The following ITGB3 variants were observed in gnomAD, a reference collection of about 807,000 sequenced individuals.
The protein encoded by ITGB3 is integrin subunit beta 3, also known as integrin beta-3.
ITGB3 carries 48 observed loss-of-function variants against 85.8 expected under a neutral mutation model. The ratio of observed to expected loss-of-function variants is 0.56; its 90% CI spans 0.44 to 0.71. ITGB3 has a LOEUF of 0.71. Among genes scored for constraint, ITGB3 ranks in the 30% least tolerant of loss-of-function variants. ITGB3 has a pLI of 0.00. For missense variants in ITGB3, 861 were observed against 1,019.1 expected (o/e 0.84, Z 2.11); for synonymous variants, 363 against 395.6 (o/e 0.92, Z 0.98).
intron 1 of ITGB3, among the ~76,000 whole-genome samples, chr17:47,263,689 C>T (rs557332531): frequency 1.9e-4 from 29 of 152,284 alleles, no homozygotes; most frequent in African/African-American, 6.3e-4. Flanking sequence ...TGGATTTCGC[C>T]ATGTTGGCCA....
chr17:47,273,565 C>G (rs1193179248), intron 1 of ITGB3, among the ~76,000 whole-genome samples: 1 of 152,244 alleles, frequency 6.6e-6, no homozygotes, highest in Admixed American at 6.5e-5. Context: ...AGCCTTTGCT[C>G]TGTCCTTTGA....
intron 2 of ITGB3, chr17:47,280,165 G>A (rs1368650148): frequency 6.6e-6 from 1 of 152,300 alleles, no homozygotes; most frequent in African/African-American, 2.4e-5. Flanking sequence ...GAAGATGAGA[G>A]AGAAAGAGAG....
intron 6 of ITGB3, among the ~76,000 whole-genome samples, chr17:47,287,720 G>A (rs1345955198): frequency 6.6e-6 from 1 of 152,066 alleles, no homozygotes; most frequent in Non-Finnish European, 1.5e-5. Context: ...ACCAGCTTGG[G>A]AAATATAGTG....
intron 1 of ITGB3, among the ~76,000 whole-genome samples, chr17:47,254,504 C>G (rs1395992484): frequency 4.6e-5 from 7 of 152,050 alleles, no homozygotes; most frequent in African/African-American, 1.7e-4. Context: ...TTACCTTCAA[C>G]TTGGCTTCCT....
intron 7 of ITGB3, 43 bp from the exon 8 acceptor site, chr17:47,290,142 G>A (rs766657121): frequency 1.3e-6 from 2 of 1,508,766 alleles, no homozygotes; most frequent in South Asian, 1.1e-5. Context: ...GAGACCACCA[G>A]CTTCCTTTGG....
At chr17:47,288,772 A>G (rs1021918976) in intron 6 of ITGB3, among the ~76,000 whole-genome samples, 1 of 152,252 alleles carries the variant, frequency 6.6e-6, no homozygotes, top group African/African-American at 2.4e-5. Context: ...GGAGGTAACA[A>G]GACTATGTAT....
intron 2 of ITGB3, chr17:47,279,735 C>T (rs2143081246): frequency 6.6e-6 from 1 of 152,404 alleles, no homozygotes; most frequent in Admixed American, 6.5e-5. Context: ...GTTTGCTGGG[C>T]TCCGGTCCCT....
At position 47,299,607 on chromosome 17, in the gene ITGB3, AG is replaced by A. The variant is rs2065158672; in HGVS notation, c.1913+79del. ...CCCTGACTAGAATCCCCAGCTCTCCAGGTGTGTTTCTTGCTCACCAGAGCCT... is the reference window on the plus strand; with the variant it reads ...CCCTGACTAGAATCCCCAGCTCTCCAGTGTGTTTCTTGCTCACCAGAGCCT... On this transcript the variant is annotated intron_variant, in intron 11 of 14. Transcript: ENST00000559488. This position sits in a 1 kb window ranked among gnomAD's most constrained non-coding sequence, Gnocchi z 5.1. 1.5e-6 allele frequency: 2 copies of A among 1,346,456 alleles called. No individual in the cohort carries two copies. Among genetic ancestry groups the A allele is most frequent in the Admixed American group, 3.8e-5 (2 of 52,670 alleles). The allele number at this position is 1,346,456 out of a possible 1,614,324, so 83.4% of individuals were successfully genotyped here. A position where few individuals can be genotyped will look rare whatever the true frequency, so the allele number is the denominator to read the frequency against.
intron 7 of ITGB3, 127 bp downstream of exon 7, chr17:47,289,903 G>T (rs2065118690): frequency 2.6e-6 from 2 of 758,246 alleles, no homozygotes; most frequent in Non-Finnish European, 2.4e-6. Flanking sequence ...CTCCCCAGGA[G>T]CTAAAGATTG....
intron 13 of ITGB3, among the ~76,000 whole-genome samples, chr17:47,305,353 T>G (rs546813579): frequency 3.7e-4 from 57 of 152,278 alleles, no homozygotes; most frequent in Middle Eastern, 3.4e-3. Context: ...TGGTGGTGGT[T>G]GTTTTTGTGG....
chr17:47,285,965 G>A (rs1272997755), intron 4 of ITGB3, among the ~76,000 whole-genome samples: 1 of 152,164 alleles, frequency 6.6e-6, no homozygotes, highest in Non-Finnish European at 1.5e-5. Flanking sequence ...AGGTTGGATT[G>A]AGAGGCTTGC....
chr17:47,279,700 A>G (rs1430473238), intron 2 of ITGB3: 1 of 152,222 alleles, frequency 6.6e-6, no homozygotes, highest in Admixed American at 6.5e-5. Context: ...CTGAAGATGC[A>G]TGAAGGCCTT....
intron 12 of ITGB3, among the ~76,000 whole-genome samples, chr17:47,300,925 G>A (rs1290369978): frequency 6.6e-6 from 1 of 152,218 alleles, no homozygotes; most frequent in African/African-American, 2.4e-5. Flanking sequence ...GGAAGTGGTT[G>A]CCTGTGATAG....
In ITGB3 at chr17:47,290,207, G is replaced by C. The variant is rs1421979003; in HGVS notation, c.1058G>C (p.Gly353Ala). 6.2e-7 allele frequency: 1 copy of C among 1,613,974 alleles called. No homozygotes were observed. The highest frequency in any genetic ancestry group is 1.1e-5 in the South Asian group (1 of 91,058). Residue 353 changes from glycine (G) to alanine (A), a missense_variant, in exon 8 of 15, where the codon GGG becomes GCG. Physicochemically the swap from Gly to Ala is moderately conservative, Grantham distance 60 (BLOSUM62 0). Coordinates refer to ENST00000559488, the MANE Select transcript of ITGB3 (RefSeq NM_000212.3). ...LYQNYSELIPGTTVGVLSMDS... is the reference protein window; with the variant it reads ...LYQNYSELIPATTVGVLSMDS... ...TAGAACTATAGTGAGCTCATCCCAG[G>C]GACCACAGTTGGGGTTCTGTCCATG... is the stretch of plus-strand genomic sequence containing the variant.
intron 1 of ITGB3, among the ~76,000 whole-genome samples, chr17:47,271,828 C>T (rs1248795326): frequency 6.6e-6 from 1 of 152,114 alleles, no homozygotes; most frequent in Non-Finnish European, 1.5e-5. Context: ...TCACTGTAAC[C>T]TCTGCCTCCT....
intron 10 of ITGB3, among the ~76,000 whole-genome samples, chr17:47,296,812 T>C (rs2065147634): frequency 1.3e-5 from 2 of 152,198 alleles, no homozygotes; most frequent in African/African-American, 4.8e-5. Context: ...AATCACATTT[T>C]ACAAAGAGAA....
At chr17:47,274,245 CCTT>C (rs939969514) in intron 1 of ITGB3, among the ~76,000 whole-genome samples, 171 bp from the exon 2 acceptor site, 31 of 152,298 alleles carry the variant, frequency 2.0e-4, no homozygotes, top group African/African-American at 6.7e-4. Flanking sequence ...TCCTCCTCCT[CCTT>C]CTTCCTAACC....
rs13306485 is a variant in ITGB3, at chr17:47,283,681, G to A, written c.361+132G>A. 78,807 of 845,136 alleles carry A rather than the reference G, an allele frequency of 0.093. 4,846 individuals are homozygous for A. The highest frequency in any genetic ancestry group is 0.22 in the East Asian group (8,365 of 38,176). 52.4% of individuals were successfully genotyped at this position (845,136 alleles called of 1,614,324 possible). On this transcript the variant is annotated intron_variant, in intron 3 of 14. Coordinates refer to ENST00000559488, the MANE Select transcript of ITGB3 (RefSeq NM_000212.3). ...GGGTGGGAAGACAAGGATGAGGGGGGAGGTGTGGGCAAGAGAATGGAAGAA... is the reference window on the plus strand; with the variant it reads ...GGGTGGGAAGACAAGGATGAGGGGGAAGGTGTGGGCAAGAGAATGGAAGAA...
chr17:47,264,473 G>A (rs909310198), intron 1 of ITGB3, among the ~76,000 whole-genome samples: 1 of 152,182 alleles, frequency 6.6e-6, no homozygotes, highest in Non-Finnish European at 1.5e-5. Flanking sequence ...TGAATAATAA[G>A]TCTCTTTCCT....
Sources: gnomAD v4.1 joint callset for allele counts (sites outside exome capture counted in the v4.1 genomes callset) on GRCh38, gnomAD v4.1.1 for gene constraint, Gnocchi (gnomAD v3.1) non-coding constraint, MANE v1.5 for transcripts, NCBI Gene and HGNC (gene_info 2026-07-23, HGNC 2026-07-21) for gene names.